POLDIP3: variants seen among roughly 807,000 people sequenced by gnomAD.
The protein encoded by POLDIP3 is DNA polymerase delta interacting protein 3, also known as polymerase delta-interacting protein 3.
Under a neutral mutation model 45.1 loss-of-function variants are expected in POLDIP3, and 14 were observed. The observed-to-expected ratio is 0.31, with a 90% CI of 0.20 to 0.49. The LOEUF is 0.49. POLDIP3 is among the 20% of genes least tolerant of loss of function. The pLI is 0.99. For missense variants in POLDIP3, 511 were observed against 538.8 expected (o/e 0.95, Z 0.51); for synonymous variants, 223 against 205.2 (o/e 1.09, Z -0.74).
chr22:42,603,205 T>C, intron 1 of POLDIP3, 45 bp from the exon 2 acceptor site: 1 of 1,583,204 alleles, frequency 6.3e-7, no homozygotes, highest in Non-Finnish European at 8.6e-7. Context: ...TCTGGGTATC[T>C]ACAGCAGTCT....
chr22:42,585,138 C>G lies in POLDIP3; in HGVS notation c.*653G>C. ...CTGGAGAACTTCCTCTGGGTGGAGA[C>G]GACACGGGACTCCAAGCCAAGAGCT... On this transcript the variant is annotated 3_prime_UTR_variant, in exon 9 of 9. Transcript: ENST00000252115. The G allele has an allele frequency of 2.3e-6, 1 of 440,066 alleles. No homozygotes were observed. Among genetic ancestry groups the G allele is most frequent in the South Asian group, 1.6e-5 (1 of 62,010 alleles). 27.3% of individuals were successfully genotyped at this position (440,066 alleles called of 1,614,324 possible).
intron 5 of POLDIP3, 80 bp downstream of exon 5, chr22:42,596,106 G>A (rs766575711): frequency 1.4e-4 from 205 of 1,466,958 alleles, no homozygotes; most frequent in African/African-American, 4.1e-4. Flanking sequence ...TCACAAAGGC[G>A]TTGTGGGGAA....
intron 6 of POLDIP3, among the ~76,000 whole-genome samples, chr22:42,593,308 A>G (rs1338833712): frequency 2.0e-5 from 3 of 152,304 alleles, no homozygotes; most frequent in East Asian, 1.9e-4. Context: ...TAGTAGGTGT[A>G]ATTCCAATTT....
At chr22:42,587,869 A>T (rs1307792892) in intron 7 of POLDIP3, among the ~76,000 whole-genome samples, 2 of 152,230 alleles carry the variant, frequency 1.3e-5, no homozygotes, top group Non-Finnish European at 2.9e-5. Context: ...AAGCCATCCA[A>T]GTAGTAAGGG....
At chr22:42,595,871 G>A (rs1184564381) in intron 5 of POLDIP3, among the ~76,000 whole-genome samples, 1 of 152,174 alleles carries the variant, frequency 6.6e-6, no homozygotes, top group Non-Finnish European at 1.5e-5. Context: ...CATGCTTCCA[G>A]ACCCACTCAG....
chr22:42,596,402 A>G, intron 4 of POLDIP3, 37 bp from the exon 5 acceptor site: 1 of 1,593,302 alleles, frequency 6.3e-7, no homozygotes, highest in Non-Finnish European at 8.6e-7. Flanking sequence ...GAGAAGCCAG[A>G]CCTGCAATGT....
intron 7 of POLDIP3, 150 bp from the exon 8 acceptor site, chr22:42,587,722 G>C (rs1925402307): frequency 2.7e-6 from 2 of 740,008 alleles, no homozygotes; most frequent in South Asian, 3.5e-5. Context: ...CTAGGTTCCA[G>C]TCAAGCCAGA....
intron 4 of POLDIP3, 39 bp from the exon 5 acceptor site, chr22:42,596,404 C>T: frequency 6.3e-7 from 1 of 1,585,194 alleles, no homozygotes. Flanking sequence ...GAAGCCAGAC[C>T]TGCAATGTTC....
At chr22:42,589,099 TGA>T (rs1239366464) in intron 7 of POLDIP3, among the ~76,000 whole-genome samples, 1 of 151,984 alleles carries the variant, frequency 6.6e-6, no homozygotes, top group Admixed American at 6.6e-5. Context: ...AAAAATTAGC[TGA>T]GTGTGGTGGT....
At chr22:42,588,219 G>C (rs1297860537) in intron 7 of POLDIP3, among the ~76,000 whole-genome samples, 1 of 152,150 alleles carries the variant, frequency 6.6e-6, no homozygotes, top group East Asian at 1.9e-4. Flanking sequence ...ACTTTGAGAG[G>C]CTGAGGCGGG....
At chr22:42,590,267 C>A (rs981486739) in intron 7 of POLDIP3, among the ~76,000 whole-genome samples, 1 of 152,234 alleles carries the variant, frequency 6.6e-6, no homozygotes, top group Non-Finnish European at 1.5e-5. Context: ...CAGCTCACTA[C>A]AGCCTCAACT....
chr22:42,597,856 C>T, intron 4 of POLDIP3: 1 of 417,236 alleles, frequency 2.4e-6, no homozygotes, highest in Admixed American at 3.1e-5. Flanking sequence ...TCTTGGCTCA[C>T]TGCAACCTCC....
intron 6 of POLDIP3, among the ~76,000 whole-genome samples, 158 bp downstream of exon 6, chr22:42,595,379 C>A (rs1046020448): frequency 6.6e-6 from 1 of 152,220 alleles, no homozygotes; most frequent in African/African-American, 2.4e-5. Context: ...GAGCCATTTG[C>A]TCTGCATCCT....
intron 6 of POLDIP3, among the ~76,000 whole-genome samples, chr22:42,594,077 T>G (rs1925834641): frequency 1.3e-5 from 2 of 152,096 alleles, no homozygotes; most frequent in Non-Finnish European, 2.9e-5. Flanking sequence ...ACGGCCAACA[T>G]GGTGAAACCT....
chr22:42,602,838 G>A lies in POLDIP3; in HGVS notation c.382C>T (p.Pro128Ser). The change falls in exon 2 of 9, where the codon CCT becomes TCT. Residue 128 changes from proline (P) to serine (S), a missense_variant. By Grantham distance (74) the Pro-to-Ser change is moderately conservative. Transcript: ENST00000252115. ...REKISLKRSS[P>S]AAFINPPIGT... ...ATGGGTGGGTTTATGAAGGCAGCAG[G>A]GGAACTCCTCTTCAAGCTGATCTTC... 2 of 1,612,694 alleles carry A rather than the reference G, an allele frequency of 1.2e-6. No individual in the cohort carries two copies. Among genetic ancestry groups the A allele is most frequent in the South Asian group, 2.2e-5 (2 of 91,082 alleles).
At chr22:42,587,643 T>C (rs1161348062) in intron 7 of POLDIP3, 71 bp from the exon 8 acceptor site, 10 of 1,413,756 alleles carry the variant, frequency 7.1e-6, no homozygotes, top group Non-Finnish European at 1.0e-5. Context: ...ACAAGGGCTG[T>C]ACCTCCATTA....
intron 5 of POLDIP3, 35 bp downstream of exon 5, chr22:42,596,151 G>C (rs573262486): frequency 3.7e-6 from 6 of 1,607,256 alleles, no homozygotes; most frequent in Non-Finnish European, 4.3e-6. Flanking sequence ...CAGCCCTCCT[G>C]ACCCCAACTG....
At position 42,598,445 on chromosome 22, in the gene POLDIP3, G is replaced by A. The variant is rs530056657; in HGVS notation, c.633+1253C>T. 5.3e-5 allele frequency among the ~76,000 whole-genome samples: 8 copies of A among 151,782 alleles called. No homozygotes were observed. The South Asian group carries it at 1.7e-3, about 32-fold the overall frequency. On this transcript the variant is annotated intron_variant, in intron 4 of 8. Coordinates refer to ENST00000252115, the MANE Select transcript of POLDIP3 (RefSeq NM_032311.5). Reference sequence around the variant, plus strand: ...TTTTGGTATTTTTAGTAGAGACGGGGTTTCACCATGTTTGCCAGGATGGTC... The same window carrying A: ...TTTTGGTATTTTTAGTAGAGACGGGATTTCACCATGTTTGCCAGGATGGTC...
In POLDIP3 at chr22:42,585,602, G is replaced by C. The variant is rs1424211027; in HGVS notation, c.*189C>G. The C allele has an allele frequency of 1.5e-6, 1 of 653,336 alleles. No individual in the cohort carries two copies. Among genetic ancestry groups the C allele is most frequent in the Non-Finnish European group, 2.7e-6 (1 of 377,356 alleles). 40.5% of individuals were successfully genotyped at this position (653,336 alleles called of 1,614,324 possible). A position where few individuals can be genotyped will look rare whatever the true frequency, so the allele number is the denominator to read the frequency against. On this transcript the variant is annotated 3_prime_UTR_variant, in exon 9 of 9. Coordinates refer to ENST00000252115, the MANE Select transcript of POLDIP3 (RefSeq NM_032311.5). ...ACATACTACAGGAAACGTTAACGTA[G>C]AGAGAAGAGCACAGGGCAGAACACA...
Sources: gnomAD v4.1 joint callset for allele counts (sites outside exome capture counted in the v4.1 genomes callset) on GRCh38, gnomAD v4.1.1 for gene constraint, MANE v1.5 for transcripts, NCBI Gene and HGNC (gene_info 2026-07-23, HGNC 2026-07-21) for gene names.